The following PLAAT3 variants were observed in gnomAD, a reference collection of about 807,000 sequenced individuals.
PLAAT3 encodes phospholipase A and acyltransferase 3, also known as Ca-independent phospholipase A1/2.
Under a neutral mutation model 16.7 loss-of-function variants are expected in PLAAT3, and 21 were observed. The observed-to-expected ratio is 1.26, with a 90% confidence interval of 0.89 to 1.81. The LOEUF (loss-of-function observed/expected upper bound fraction) is 1.81. PLAAT3 is among the 40% of genes most tolerant of loss of function. The pLI is 0.00. For missense variants in PLAAT3, 219 were observed against 213.7 expected, an observed-to-expected ratio of 1.02 and a Z score of -0.16; for synonymous variants, 76 against 81.7, an observed-to-expected ratio of 0.93 and a Z score of 0.38.
At chr11:63,604,866 T>A (rs1276989143) in intron 2 of PLAAT3, among the ~76,000 whole-genome samples, 1 of 152,180 alleles carries the variant, frequency 6.6e-6, no homozygotes, top group Non-Finnish European at 1.5e-5. Flanking sequence ...TGGTAATCCA[T>A]ACAATCACTA....
intron 3 of PLAAT3, among the ~76,000 whole-genome samples, chr11:63,590,828 C>T (rs762993667): frequency 1.3e-5 from 2 of 152,314 alleles, no homozygotes; most frequent in African/African-American, 2.4e-5. Context: ...CCCACCAAAA[C>T]GCACAGCTGT....
intron 3 of PLAAT3, among the ~76,000 whole-genome samples, chr11:63,596,318 G>A (rs147316087): frequency 6.7e-6 from 1 of 149,568 alleles, no homozygotes; most frequent in Non-Finnish European, 1.5e-5. Context: ...TCAAAACAGA[G>A]CTTCGTCCTC....
intron 2 of PLAAT3, among the ~76,000 whole-genome samples, chr11:63,607,604 G>A (rs958690503): frequency 4.6e-5 from 7 of 151,866 alleles, no homozygotes; most frequent in Admixed American, 4.6e-4. Flanking sequence ...TTTTTGTTTC[G>A]GTCTTGAAAG....
At chr11:63,594,849 G>A (rs865898621) in intron 3 of PLAAT3, among the ~76,000 whole-genome samples, 1 of 151,392 alleles carries the variant, frequency 6.6e-6, no homozygotes, top group African/African-American at 2.4e-5. Context: ...AGAAGGAGGT[G>A]GGGAATTTGA....
chr11:63,577,082 T>C (rs369369690), intron 4 of PLAAT3, among the ~76,000 whole-genome samples: 15 of 152,110 alleles, frequency 9.9e-5, no homozygotes, highest in African/African-American at 3.4e-4. Flanking sequence ...TTTTAGGATA[T>C]AATTTGTTAA....
At chr11:63,607,731 A>T (rs1157218921) in intron 2 of PLAAT3, among the ~76,000 whole-genome samples, 1 of 151,628 alleles carries the variant, frequency 6.6e-6, no homozygotes, top group Non-Finnish European at 1.5e-5. Context: ...GCCTTTATGG[A>T]GATGTACGGA....
chr11:63,588,221 C>G (rs2134403926), intron 4 of PLAAT3, among the ~76,000 whole-genome samples: 1 of 152,160 alleles, frequency 6.6e-6, no homozygotes. Flanking sequence ...AGATGCCCAG[C>G]ACCATGCCCG....
intron 4 of PLAAT3, among the ~76,000 whole-genome samples, chr11:63,588,359 T>A (rs1938040081): frequency 6.6e-6 from 1 of 152,206 alleles, no homozygotes; most frequent in South Asian, 2.1e-4. Context: ...TGCGAGCCAC[T>A]GTGCCCGGCC....
At chr11:63,584,287 T>C (rs534176743) in intron 4 of PLAAT3, among the ~76,000 whole-genome samples, 1 of 151,094 alleles carries the variant, frequency 6.6e-6, no homozygotes, top group South Asian at 2.1e-4. Context: ...AGCTTCTGGT[T>C]GCTTTTTTTT....
chr11:63,606,853 G>C (rs11600655), intron 2 of PLAAT3, among the ~76,000 whole-genome samples: 41,488 of 152,188 alleles, frequency 0.27, 6,893 homozygotes, highest in East Asian at 0.59. Context: ...GCACCTGACA[G>C]CGCTACACCT....
At chr11:63,583,065 G>C (rs1165436457) in intron 4 of PLAAT3, among the ~76,000 whole-genome samples, 1 of 151,582 alleles carries the variant, frequency 6.6e-6, no homozygotes, top group Non-Finnish European at 1.5e-5. Context: ...GGGAGGCGGA[G>C]GTTGCAGTGA....
intron 3 of PLAAT3, among the ~76,000 whole-genome samples, chr11:63,591,621 T>C (rs1938155717): frequency 6.6e-6 from 1 of 152,200 alleles, no homozygotes; most frequent in African/African-American, 2.4e-5. Flanking sequence ...GGTCCTGCTC[T>C]TCTCCGCTTT....
chr11:63,609,238 A>G (rs1162617094), intron 2 of PLAAT3, among the ~76,000 whole-genome samples: 1 of 152,216 alleles, frequency 6.6e-6, no homozygotes, highest in Non-Finnish European at 1.5e-5. Flanking sequence ...GCCTGTGATA[A>G]ATGGAAAGGC....
intron 3 of PLAAT3, 75 bp downstream of exon 3, chr11:63,597,986 G>C (rs765641695): frequency 2.1e-5 from 20 of 969,496 alleles, no homozygotes; most frequent in African/African-American, 4.8e-5. Context: ...GGGGTCACCT[G>C]TTACCCACAG....
In PLAAT3 at chr11:63,590,168, T is replaced by C. The variant is rs750227890; in HGVS notation, c.319A>G (p.Lys107Glu). ...EELVGQEVLYKLTSENCEHFV... is the reference protein window; with the variant it reads ...EELVGQEVLYELTSENCEHFV... ...TGCTCGCAGTTCTCACTGGTCAGCTTGTAGAGCACCTCCTGCCCCACCAGC... is the reference window on the plus strand; with the variant it reads ...TGCTCGCAGTTCTCACTGGTCAGCTCGTAGAGCACCTCCTGCCCCACCAGC... Residue 107 changes from lysine (K) to glutamate (E), a missense_variant, in exon 4 of 5, where the codon AAG becomes GAG. Coordinates refer to ENST00000415826, the MANE Select transcript of PLAAT3 (RefSeq NM_001128203.2). 30 of 1,614,074 alleles carry C rather than the reference T, an allele frequency of 1.9e-5. No individual in the cohort carries two copies. Among genetic ancestry groups the C allele is most frequent in the Non-Finnish European group, 2.4e-5 (28 of 1,180,010 alleles).
intron 3 of PLAAT3, among the ~76,000 whole-genome samples, chr11:63,593,779 C>T (rs1196211098): frequency 6.6e-6 from 1 of 152,172 alleles, no homozygotes; most frequent in Non-Finnish European, 1.5e-5. Flanking sequence ...GGGGTTTCGC[C>T]ATGTTGGCCA....
At chr11:63,603,751 CACAG>C (rs1200603589) in intron 2 of PLAAT3, among the ~76,000 whole-genome samples, 1,715 of 34,500 alleles carry the variant, frequency 0.05, 55 homozygotes, top group African/African-American at 0.17. Context: ...CACACACACA[CACAG>C]ACAGAGATAT....
At chr11:63,615,176 A>G (rs1448506069), upstream of PLAAT3, among the ~76,000 whole-genome samples, 2 of 126,708 alleles carry the variant, frequency 1.6e-5, no homozygotes, top group South Asian at 2.7e-4. Flanking sequence ...ATGTGTGTAT[A>G]TGTGTGTATA....
chr11:63,608,515 C>T (rs916185081), intron 2 of PLAAT3: 3 of 152,472 alleles, frequency 2.0e-5, no homozygotes, highest in South Asian at 2.1e-4. Flanking sequence ...CCAAGACCCC[C>T]GGCTCTGGCA....
Sources: gnomAD v4.1 joint callset for allele counts (sites outside exome capture counted in the v4.1 genomes callset) on GRCh38, gnomAD v4.1.1 for gene constraint, MANE v1.5 for transcripts, NCBI Gene and HGNC (gene_info 2026-07-23, HGNC 2026-07-21) for gene names.